Variants in CSMD1 observed in about 807,000 individuals in gnomAD.
The protein encoded by CSMD1 is CUB and sushi domain-containing protein 1.
In CSMD1, 213 loss-of-function variants were observed where a neutral mutation model predicts 417.5. That is an observed-to-expected ratio of 0.51 (90% CI 0.46 to 0.57). The LOEUF (loss-of-function observed/expected upper bound fraction) is 0.57, where lower values mean the gene tolerates loss of function less well. Ranked by LOEUF, CSMD1 falls within the 20% of genes least tolerant of loss-of-function variation. CSMD1 has a pLI of 0.00. For missense variants in CSMD1, 6,923 were observed against 4,529.7 expected, an observed-to-expected ratio of 1.53 and a Z score of -15.17; for synonymous variants, 2,862 against 1,736.8, an observed-to-expected ratio of 1.65 and a Z score of -16.11.
At chr8:3,961,885 C>G (rs1379114824) in intron 5 of CSMD1, among the ~76,000 whole-genome samples, 1 of 152,156 alleles carries the variant, frequency 6.6e-6, no homozygotes, top group Non-Finnish European at 1.5e-5. Context: ...GCGCATCCTG[C>G]CTTACGACTT....
chr8:4,828,528 C>A (rs1248502931), intron 1 of CSMD1, among the ~76,000 whole-genome samples: 1 of 152,062 alleles, frequency 6.6e-6, no homozygotes, highest in Non-Finnish European at 1.5e-5. Flanking sequence ...TCCTTTATTG[C>A]CTGAGCCATC....
chr8:3,340,660 G>A (rs943176325), intron 23 of CSMD1, among the ~76,000 whole-genome samples: 1 of 152,138 alleles, frequency 6.6e-6, no homozygotes, highest in African/African-American at 2.4e-5. Flanking sequence ...TCAGGTATTT[G>A]ATGACCTTGG....
intron 1 of CSMD1, among the ~76,000 whole-genome samples, chr8:4,843,712 T>A (rs1301913208): frequency 6.6e-6 from 1 of 152,226 alleles, no homozygotes; most frequent in Non-Finnish European, 1.5e-5. Context: ...CAGAATATAT[T>A]ATTCTGTTTT....
chr8:3,765,143 G>A lies in CSMD1; in HGVS notation c.819-11101C>T, dbSNP rs529909278. 5.3e-5 allele frequency among the ~76,000 whole-genome samples: 8 copies of A among 152,202 alleles called. No homozygotes were observed. The East Asian group carries it at 7.7e-4, about 15-fold the overall frequency. On this transcript the variant is annotated intron_variant, in intron 5 of 69. Transcript: ENST00000635120. ...CTGAAGACCCTTTATAATATGAATCGATTTGTTTCTAGCCTCATTTCTTAT... is the reference window on the plus strand; with the variant it reads ...CTGAAGACCCTTTATAATATGAATCAATTTGTTTCTAGCCTCATTTCTTAT...
intron 5 of CSMD1, among the ~76,000 whole-genome samples, chr8:3,762,610 G>A (rs1367154658): frequency 6.6e-6 from 1 of 152,204 alleles, no homozygotes; most frequent in African/African-American, 2.4e-5. Flanking sequence ...CCATGACTTG[G>A]CCCTAAGCCG....
chr8:4,308,354 A>C (rs1055889866), intron 3 of CSMD1, among the ~76,000 whole-genome samples: 1 of 151,770 alleles, frequency 6.6e-6, no homozygotes, highest in African/African-American at 2.4e-5. Flanking sequence ...GTGCGTGTGC[A>C]CTGTGTGTAG....
chr8:3,895,241 G>T (rs1212133173), intron 5 of CSMD1, among the ~76,000 whole-genome samples: 1 of 152,142 alleles, frequency 6.6e-6, no homozygotes, highest in Non-Finnish European at 1.5e-5. Context: ...AATGATCACT[G>T]TGCTTACAAC....
intron 4 of CSMD1, among the ~76,000 whole-genome samples, chr8:4,031,207 G>C (rs539757671): frequency 2.0e-5 from 3 of 152,102 alleles, no homozygotes; most frequent in Non-Finnish European, 4.4e-5. Context: ...CCCACTCCTG[G>C]TACCAATCTA....
intron 2 of CSMD1, among the ~76,000 whole-genome samples, chr8:4,454,876 T>A (rs975535426): frequency 6.6e-6 from 1 of 152,162 alleles, no homozygotes; most frequent in Non-Finnish European, 1.5e-5. Flanking sequence ...TTAATCTAAA[T>A]GGCGTCCTGT....
intron 3 of CSMD1, among the ~76,000 whole-genome samples, chr8:4,202,899 A>T (rs1275157166): frequency 1.3e-5 from 2 of 152,172 alleles, no homozygotes; most frequent in African/African-American, 4.8e-5. Flanking sequence ...AGGGGCATGG[A>T]CTGTGTGGAC....
intron 58 of CSMD1, 132 bp downstream of exon 58, chr8:2,966,438 C>T (rs773080262): frequency 7.2e-5 from 57 of 796,854 alleles, no homozygotes; most frequent in Non-Finnish European, 9.8e-5. Context: ...CACAATGTCA[C>T]ACATAGTTTT....
chr8:4,837,150 G>C (rs1452076941), intron 1 of CSMD1, among the ~76,000 whole-genome samples: 1 of 152,062 alleles, frequency 6.6e-6, no homozygotes, highest in Non-Finnish European at 1.5e-5. Flanking sequence ...TGTCTAAATT[G>C]AAAAGACACT....
At chr8:4,221,391 A>C (rs547973673) in intron 3 of CSMD1, among the ~76,000 whole-genome samples, 30 of 151,990 alleles carry the variant, frequency 2.0e-4, no homozygotes, top group East Asian at 3.9e-4. Context: ...AAAAAAAAAA[A>C]AACAACACAT....
chr8:4,755,689 T>A (rs1173762848), intron 1 of CSMD1, among the ~76,000 whole-genome samples: 1 of 152,230 alleles, frequency 6.6e-6, no homozygotes, highest in Non-Finnish European at 1.5e-5. Context: ...AATTCGCAGT[T>A]AAAGTTTCAC....
intron 2 of CSMD1, among the ~76,000 whole-genome samples, chr8:4,510,960 G>A (rs956812622): frequency 6.9e-6 from 1 of 145,250 alleles, no homozygotes; most frequent in African/African-American, 2.6e-5. Flanking sequence ...CATTTTATTA[G>A]TTAAGAGAAT....
chr8:3,359,314 G>T lies in CSMD1; in HGVS notation c.3142C>A (p.Pro1048Thr). The T allele has an allele frequency of 6.2e-7, 1 of 1,613,434 alleles. No homozygotes were observed. Among genetic ancestry groups the T allele is most frequent in the Non-Finnish European group, 8.5e-7 (1 of 1,179,786 alleles). Residue 1048 changes from proline (P) to threonine (T), a missense_variant, in exon 21 of 70, where the codon CCT (proline) becomes ACT (threonine). Transcript: ENST00000635120. ...CTTCGGCTGAAGGCAGGGACTCCAG[G>T]ATCATCACATGGCTCCAGGTCATAT... ...SEYDLEPCDD[P>T]GVPAFSRRIG...
intron 3 of CSMD1, among the ~76,000 whole-genome samples, chr8:4,260,425 A>G (rs1803796744): frequency 6.6e-6 from 1 of 152,176 alleles, no homozygotes; most frequent in African/African-American, 2.4e-5. Context: ...TTATTAATAT[A>G]CTAGTATGTA....
rs74318770 is a variant in CSMD1, at chr8:4,407,844, T to C, written c.415+12109A>G. On this transcript the variant is annotated intron_variant, in intron 3 of 69. Transcript: ENST00000635120. ...GAACAAGTGTGAAAGTCTTAAAAAA[T>C]GAAAAATCAGATGTGGAATGTTGAA... Among the ~76,000 whole-genome samples, 5 of 152,118 alleles carry C rather than the reference T, an allele frequency of 3.3e-5. No individual in the cohort carries two copies. In the South Asian group the frequency reaches 8.3e-4, roughly 25 times the overall value.
intron 2 of CSMD1, among the ~76,000 whole-genome samples, chr8:4,480,366 A>G (rs767016661): frequency 2.0e-5 from 3 of 152,172 alleles, no homozygotes; most frequent in Non-Finnish European, 4.4e-5. Flanking sequence ...AGAAAATTAC[A>G]TTTCTCACTA....
Sources: gnomAD v4.1 joint callset for allele counts (sites outside exome capture counted in the v4.1 genomes callset) on GRCh38, gnomAD v4.1.1 for gene constraint, MANE v1.5 for transcripts, NCBI Gene and HGNC (gene_info 2026-07-23, HGNC 2026-07-21) for gene names.